Variants in MCF2L2 observed in about 807,000 individuals in gnomAD.
MCF2L2 encodes probable guanine nucleotide exchange factor MCF2L2.
MCF2L2 carries 102 observed loss-of-function variants against 150.2 expected under a neutral mutation model. The observed-to-expected ratio is 0.68, with a 90% CI of 0.58 to 0.80. The LOEUF is 0.80. Among genes scored for constraint, MCF2L2 ranks in the 30% least tolerant of loss-of-function variants. The pLI is 0.00. For synonymous variants in MCF2L2, 465 were observed against 491.3 expected (o/e 0.95, Z 0.71); for missense variants, 1,256 against 1,372.8 (o/e 0.91, Z 1.34).
At position 183,270,444 on chromosome 3, in the gene MCF2L2, C is replaced by G. The variant is rs1726653413; in HGVS notation, c.1862+6428G>C. 13 of 1,614,162 alleles carry G rather than the reference C, an allele frequency of 8.1e-6. No homozygotes were observed. Among genetic ancestry groups the G allele is most frequent in the Non-Finnish European group, 1.1e-5 (13 of 1,180,038 alleles). On this transcript the variant is annotated intron_variant, in intron 15 of 29. Transcript: ENST00000328913. The surrounding 1 kb of genome is among the most constrained non-coding windows in gnomAD (Gnocchi z 4.5). ...TCAAAGTTTAGAACAAATTGGTGTT[C>G]AAGACTTTTGGATTGGTCGTGTTCA...
chr3:183,324,870 C>T (rs577010557), intron 5 of MCF2L2, among the ~76,000 whole-genome samples: 1 of 151,796 alleles, frequency 6.6e-6, no homozygotes, highest in East Asian at 1.9e-4. Flanking sequence ...TGGAACCAAC[C>T]CAAATGTCCA....
At chr3:183,362,547 AG>A (rs1295703383) in intron 3 of MCF2L2, among the ~76,000 whole-genome samples, 1 of 152,114 alleles carries the variant, frequency 6.6e-6, no homozygotes, top group Non-Finnish European at 1.5e-5. Flanking sequence ...AAAGCAAGAC[AG>A]TGGCTGTCTG....
Position 183,207,749 on chromosome 3 carries a change from A to G in MCF2L2, c.2571T>C (p.Tyr857=), listed in dbSNP as rs1722549117. The G allele has an allele frequency of 3.7e-6, 6 of 1,614,134 alleles. No homozygotes were observed. Among genetic ancestry groups the G allele is most frequent in the African/African-American group, 2.7e-5 (2 of 74,946 alleles). ...FSVWTIHKDR[Y]KMKDLIRFKP... ...TAAATCGAATCAAATCCTTCATTTT[A>G]TAACGATCCTTGTGAATTGTCCAGA... Residue 857 remains tyrosine (Y), a synonymous_variant, in exon 23 of 30, where the codon TAT becomes TAC. Transcript: ENST00000328913.
intron 27 of MCF2L2, among the ~76,000 whole-genome samples, chr3:183,191,554 C>T (rs1036770858): frequency 7.9e-5 from 12 of 152,180 alleles, no homozygotes; most frequent in Admixed American, 3.3e-4. Context: ...CCACCACCAC[C>T]GGTTTAACGC....
intron 13 of MCF2L2, among the ~76,000 whole-genome samples, chr3:183,290,148 C>T (rs187029369): frequency 2.0e-3 from 304 of 152,308 alleles, no homozygotes; most frequent in Admixed American, 5.2e-3. Context: ...TTACAGTCTT[C>T]TTTCAAATGC....
At chr3:183,276,752 G>A (rs1293583072) in intron 15 of MCF2L2, 120 bp downstream of exon 15, 9 of 663,180 alleles carry the variant, frequency 1.4e-5, no homozygotes, top group South Asian at 2.0e-5. Flanking sequence ...GGTTAGTATA[G>A]AGGATAAATA....
intron 1 of MCF2L2, among the ~76,000 whole-genome samples, chr3:183,403,525 G>A (rs1448051336): frequency 2.0e-5 from 3 of 152,230 alleles, no homozygotes; most frequent in African/African-American, 4.8e-5. Context: ...GCCAGGTGGC[G>A]AGACTTGCTC....
At chr3:183,255,979 A>G (rs1006509397) in intron 15 of MCF2L2, among the ~76,000 whole-genome samples, 2 of 152,302 alleles carry the variant, frequency 1.3e-5, no homozygotes, top group African/African-American at 4.8e-5. Flanking sequence ...CTGAGGCCCA[A>G]TTGCACTAGA....
At chr3:183,276,649 C>G (rs190855524) in intron 15 of MCF2L2, 1 of 439,704 alleles carries the variant, frequency 2.3e-6, no homozygotes, top group African/African-American at 2.0e-5. Context: ...ACACTGTATT[C>G]TTAGAAGTTT....
chr3:183,253,504 G>T (rs1315035182), intron 15 of MCF2L2: 1 of 152,362 alleles, frequency 6.6e-6, no homozygotes, highest in Non-Finnish European at 1.5e-5. Flanking sequence ...CCTGGGGCGG[G>T]GTTTCCCCCT....
chr3:183,418,272 C>T (rs1715702793), intron 1 of MCF2L2, among the ~76,000 whole-genome samples: 1 of 151,932 alleles, frequency 6.6e-6, no homozygotes, highest in African/African-American at 2.4e-5. Flanking sequence ...AAACCACCCC[C>T]ATGATCCAAT....
chr3:183,406,297 C>T (rs1577130642), intron 1 of MCF2L2, among the ~76,000 whole-genome samples: 1 of 152,140 alleles, frequency 6.6e-6, no homozygotes, highest in Non-Finnish European at 1.5e-5. Flanking sequence ...CACAATTTCA[C>T]TGATGACTAC....
chr3:183,281,804 G>A (rs578085968), intron 14 of MCF2L2, among the ~76,000 whole-genome samples: 1 of 152,092 alleles, frequency 6.6e-6, no homozygotes, highest in Admixed American at 6.6e-5. Context: ...CAGTGTTCCT[G>A]AGGCTTTGTG....
In MCF2L2 at chr3:183,230,995, C is replaced by A; in HGVS notation, c.1885G>T (p.Glu629Ter). ...PRRRIIRDLL[E>*]TEEIYIKEIK... ...TCTTTTATGTAAATCTCTTCAGTCT[C>A]AAGCAAGTCACGTATAATGCGCCTG... The change falls in exon 16 of 30, where the codon GAG becomes TAG. Residue 629 changes from glutamate (E) to a stop codon, truncating the protein, a stop_gained. Coordinates refer to ENST00000328913, the MANE Select transcript of MCF2L2 (RefSeq NM_015078.4). LOFTEE classifies it high-confidence loss of function. 6.2e-7 allele frequency: 1 copy of A among 1,613,876 alleles called. No homozygotes were observed.
intron 15 of MCF2L2, among the ~76,000 whole-genome samples, chr3:183,244,959 C>T (rs1724185527): frequency 6.6e-6 from 1 of 152,004 alleles, no homozygotes; most frequent in Admixed American, 6.5e-5. Context: ...CACAGGGTTT[C>T]AAGAAACTGG....
chr3:183,231,177 A>G (rs1245579853), intron 15 of MCF2L2, 160 bp from the exon 16 acceptor site: 1 of 694,704 alleles, frequency 1.4e-6, no homozygotes, highest in Admixed American at 2.0e-5. Context: ...TTGAACACCC[A>G]AGGTCAGCAT....
chr3:183,374,679 A>AG (rs1713090451), intron 3 of MCF2L2: 3 of 150,608 alleles, frequency 2.0e-5, no homozygotes, highest in African/African-American at 7.5e-5. Flanking sequence ...AAAAAAAAAA[A>AG]AAAAGAAAGA....
intron 27 of MCF2L2, chr3:183,192,684 ATTTTTCCATTTGATATTTGG>A: frequency 3.8e-6 from 1 of 264,482 alleles, no homozygotes. Flanking sequence ...TATTTCTGTA[ATTTTTCCATTTGATATTTGG>A]ACAGCAGTTG....
At chr3:183,277,472 T>C (rs1727227695) in intron 14 of MCF2L2, among the ~76,000 whole-genome samples, 1 of 151,692 alleles carries the variant, frequency 6.6e-6, no homozygotes, top group South Asian at 2.1e-4. Flanking sequence ...TTTTTTTTTC[T>C]TGTAAGAAAT....
Sources: gnomAD v4.1 joint callset for allele counts (sites outside exome capture counted in the v4.1 genomes callset) on GRCh38, gnomAD v4.1.1 for gene constraint, Gnocchi (gnomAD v3.1) non-coding constraint, MANE v1.5 for transcripts, NCBI Gene and HGNC (gene_info 2026-07-23, HGNC 2026-07-21) for gene names.